The following AFF3 variants were observed in gnomAD, a reference collection of about 807,000 sequenced individuals.
AFF3 encodes AF4/FMR2 family member 3.
AFF3 carries 32 observed loss-of-function variants against 129.7 expected under a neutral mutation model. The ratio of observed to expected loss-of-function variants is 0.25; its 90% CI spans 0.19 to 0.33. The LOEUF is 0.33. AFF3 is among the 10% of genes least tolerant of loss of function. The pLI is 1.00. For synonymous variants in AFF3, 644 were observed against 635.4 expected (o/e 1.01, Z -0.20); for missense variants, 1,373 against 1,592.0 (o/e 0.86, Z 2.34).
intron 8 of AFF3, among the ~76,000 whole-genome samples, chr2:99,808,327 T>G (rs2105562981): frequency 6.6e-6 from 1 of 152,226 alleles, no homozygotes; most frequent in South Asian, 2.1e-4. Flanking sequence ...AAAGAAATAT[T>G]CTGGGATCCC....
chr2:99,941,143 C>G (rs1301389253), intron 7 of AFF3, among the ~76,000 whole-genome samples: 1 of 150,318 alleles, frequency 6.7e-6, no homozygotes, highest in Admixed American at 6.6e-5. Context: ...GAAAAACTAA[C>G]CCCTGCCAAG....
In AFF3 at chr2:99,549,040, G is replaced by C. The variant is rs966823159; in HGVS notation, c.*2434C>G. 31 of 228,610 alleles carry C rather than the reference G, an allele frequency of 1.4e-4. No homozygotes were observed. Among genetic ancestry groups the C allele is most frequent in the African/African-American group, 5.8e-4 (26 of 45,138 alleles). 14.2% of individuals were successfully genotyped at this position (228,610 alleles called of 1,614,324 possible). A position where few individuals can be genotyped will look rare whatever the true frequency, so the allele number is the denominator to read the frequency against. Reference sequence around the variant, plus strand: ...ACACTGCTGGCCCACCTGTCAAATGGGGCTTCACAGGGAAGCTCATCACAT... The same window carrying C: ...ACACTGCTGGCCCACCTGTCAAATGCGGCTTCACAGGGAAGCTCATCACAT... On this transcript the variant is annotated 3_prime_UTR_variant, in exon 25 of 25. Coordinates refer to ENST00000672756, the MANE Select transcript of AFF3 (RefSeq NM_001386135.1).
chr2:99,838,909 A>G (rs1689098878), intron 7 of AFF3, among the ~76,000 whole-genome samples: 1 of 152,120 alleles, frequency 6.6e-6, no homozygotes, highest in East Asian at 1.9e-4. Flanking sequence ...GGGGTAGAGC[A>G]TTTCCTTTGA....
At position 99,593,984 on chromosome 2, in the gene AFF3, G is replaced by A. The variant is rs1679024185; in HGVS notation, c.1677C>T (p.Ser559=). The change falls in exon 15 of 25, where the codon AGC becomes AGT. Residue 559 remains serine (S), a synonymous_variant. Transcript: ENST00000672756. The stretch of plus-strand genomic sequence containing the variant: ...GCACTGCGGGTGGCGGGGCGGCTGC[G>A]CTCACCGCCACGGCCACGGCCGCGG... ...SPPAAVAVAV[S]AAAPPPAVPC... is the part of the protein sequence containing the mutation. 2 of 1,517,178 alleles carry A rather than the reference G, an allele frequency of 1.3e-6. No individual in the cohort carries two copies. The highest frequency in any genetic ancestry group is 2.7e-5 in the South Asian group (2 of 74,594). 94.0% of individuals were successfully genotyped at this position (1,517,178 alleles called of 1,614,324 possible).
At chr2:99,995,280 A>G (rs1680732833) in intron 7 of AFF3, among the ~76,000 whole-genome samples, 4 of 152,226 alleles carry the variant, frequency 2.6e-5, no homozygotes, top group Admixed American at 2.6e-4. Context: ...GGATGGACTA[A>G]TAAGTCAATT....
At chr2:99,918,833 C>T (rs1324441094) in intron 7 of AFF3, among the ~76,000 whole-genome samples, 1 of 152,148 alleles carries the variant, frequency 6.6e-6, no homozygotes, top group Non-Finnish European at 1.5e-5. Context: ...ATAGCACCAA[C>T]AAAATTCAGT....
intron 4 of AFF3, among the ~76,000 whole-genome samples, chr2:100,092,386 C>T (rs1253439752): frequency 6.6e-6 from 1 of 152,158 alleles, no homozygotes; most frequent in Admixed American, 6.5e-5. Context: ...GCCCTCACTC[C>T]TCACTGACCT....
chr2:99,945,756 G>A (rs1419598544), intron 7 of AFF3, among the ~76,000 whole-genome samples: 2 of 152,146 alleles, frequency 1.3e-5, no homozygotes, highest in African/African-American at 4.8e-5. Flanking sequence ...ACTCTGAGAT[G>A]GATAATTGAT....
chr2:99,694,466 C>T (rs915964366), intron 11 of AFF3, among the ~76,000 whole-genome samples: 5 of 151,994 alleles, frequency 3.3e-5, no homozygotes, highest in African/African-American at 7.2e-5. Context: ...GTCACCCAGG[C>T]GCCAGGGAGA....
At chr2:99,905,138 G>C (rs998249809) in intron 7 of AFF3, among the ~76,000 whole-genome samples, 2 of 152,184 alleles carry the variant, frequency 1.3e-5, no homozygotes, top group Non-Finnish European at 2.9e-5. Context: ...ACCCATGGCA[G>C]CATCAAGGGT....
chr2:99,768,975 C>A lies in AFF3; in HGVS notation c.922-16674G>T, dbSNP rs1342007005. ...TTGATTATTAAATTTCTTGAGGTAGCCTTCTTTGGGTTAAATCTCCTTGGT... is the reference window on the plus strand; with the variant it reads ...TTGATTATTAAATTTCTTGAGGTAGACTTCTTTGGGTTAAATCTCCTTGGT... On this transcript the variant is annotated intron_variant, in intron 8 of 24. Coordinates refer to ENST00000672756, the MANE Select transcript of AFF3 (RefSeq NM_001386135.1). 1.3e-5 allele frequency among the ~76,000 whole-genome samples: 2 copies of A among 152,082 alleles called. 1 individual carries two copies. Among genetic ancestry groups the A allele is most frequent in the African/African-American group, 4.8e-5 (2 of 41,400 alleles).
chr2:99,580,901 A>C (rs1677474535), intron 17 of AFF3: 1 of 152,292 alleles, frequency 6.6e-6, no homozygotes, highest in Admixed American at 6.5e-5. Flanking sequence ...CCGTCTCAAA[A>C]AAAACCCAAA....
intron 8 of AFF3, among the ~76,000 whole-genome samples, chr2:99,794,545 T>C (rs1312856334): frequency 6.6e-6 from 1 of 152,204 alleles, no homozygotes; most frequent in Non-Finnish European, 1.5e-5. Flanking sequence ...TTTATTTGCA[T>C]AGCCTTGTGG....
intron 7 of AFF3, among the ~76,000 whole-genome samples, chr2:99,969,290 C>G (rs1035519995): frequency 4.6e-5 from 7 of 152,176 alleles, no homozygotes; most frequent in Non-Finnish European, 8.8e-5. Flanking sequence ...CTAGTGACCT[C>G]AGTTCACTTT....
intron 8 of AFF3, among the ~76,000 whole-genome samples, chr2:99,768,350 T>C (rs972456000): frequency 6.6e-6 from 1 of 152,190 alleles, no homozygotes; most frequent in Non-Finnish European, 1.5e-5. Flanking sequence ...GATTTTTATA[T>C]ACATGCACTA....
chr2:99,837,606 C>CT, intron 7 of AFF3, 82 bp from the exon 8 acceptor site: 1 of 1,296,750 alleles, frequency 7.7e-7, no homozygotes, highest in Non-Finnish European at 1.1e-6. Flanking sequence ...CAAATTAGTC[C>CT]CCCCCAACAA....
chr2:99,926,033 T>C (rs1000908151), intron 7 of AFF3, among the ~76,000 whole-genome samples: 2 of 152,220 alleles, frequency 1.3e-5, no homozygotes, highest in African/African-American at 4.8e-5. Context: ...TTAAATGCAA[T>C]CATCATTTAG....
rs1383357362 is a variant in AFF3 at position 99,551,152 on chromosome 2, CGGTG to C, written c.*318_*321del. 9.9e-6 allele frequency: 4 copies of C among 405,256 alleles called. No homozygotes were observed. Among genetic ancestry groups the C allele is most frequent in the South Asian group, 1.6e-4 (2 of 12,354 alleles). The allele number at this position is 405,256 out of a possible 1,614,324, so 25.1% of individuals were successfully genotyped here. A position where few individuals can be genotyped will look rare whatever the true frequency, so the allele number is the denominator to read the frequency against. On this transcript the variant is annotated 3_prime_UTR_variant, in exon 25 of 25. Transcript: ENST00000672756. ...GTGTCTGTGATTGTGTGTGAGTGTA[CGGTG>C]TGTGTGTGTGTGTGTGTGTGTGTGT...
intron 7 of AFF3, among the ~76,000 whole-genome samples, chr2:99,848,051 G>A (rs776248414): frequency 6.6e-6 from 1 of 152,056 alleles, no homozygotes; most frequent in East Asian, 1.9e-4. Context: ...GGAGGCCAAC[G>A]TGGGGGGATC....
Sources: allele counts gnomAD v4.1 joint callset (sites outside exome capture counted in the v4.1 genomes callset), GRCh38; gene constraint gnomAD v4.1.1; transcripts MANE v1.5; gene names NCBI Gene and HGNC (gene_info 2026-07-23, HGNC 2026-07-21).